The following RBPJ variants were observed in gnomAD, a reference collection of about 807,000 sequenced individuals.
RBPJ encodes the protein recombination signal binding protein for immunoglobulin kappa J region, also known as recombining binding protein suppressor of hairless.
RBPJ carries 9 observed loss-of-function variants against 67.8 expected under a neutral mutation model. That is an observed-to-expected ratio of 0.13 (90% CI 0.08 to 0.23). The LOEUF is 0.23. Ranked by LOEUF, RBPJ falls within the 10% of genes least tolerant of loss-of-function variation. The probability of loss-of-function intolerance (pLI) is 1.00; values close to 1 mark genes in which losing one functional copy is unlikely to be tolerated. For missense variants in RBPJ, 305 were observed against 595.6 expected, an observed-to-expected ratio of 0.51 and a Z score of 5.08; for synonymous variants, 198 against 203.3, an observed-to-expected ratio of 0.97 and a Z score of 0.22.
At chr4:26,144,659 C>T in the RBPJ span, among the ~76,000 whole-genome samples, 1 of 152,184 alleles carries the variant, frequency 6.6e-6, no homozygotes, top group Admixed American at 6.5e-5. Flanking sequence ...AGAGTAAGTT[C>T]ATTCCTAGGC....
chr4:26,226,952 C>T (rs940756505), intron 1 of RBPJ, among the ~76,000 whole-genome samples: 16 of 152,080 alleles, frequency 1.1e-4, no homozygotes, highest in African/African-American at 2.4e-4. Context: ...GACACAAGGC[C>T]GGGAGAAGTG....
chr4:26,408,404 T>TC (rs1258404418), intron 3 of RBPJ, among the ~76,000 whole-genome samples: 13 of 152,144 alleles, frequency 8.5e-5, no homozygotes, highest in East Asian at 3.9e-4. Context: ...TTTTTTTTTT[T>TC]CCCACGAAGT....
chr4:26,205,650 C>T (rs1039168044), intron 1 of RBPJ, among the ~76,000 whole-genome samples: 6 of 152,022 alleles, frequency 3.9e-5, no homozygotes, highest in East Asian at 1.9e-4. Flanking sequence ...TGGAGTGCAG[C>T]GGTACAGTCT....
chr4:26,225,513 A>G (rs144410315), intron 1 of RBPJ, among the ~76,000 whole-genome samples: 3 of 152,298 alleles, frequency 2.0e-5, no homozygotes, highest in Non-Finnish European at 4.4e-5. Flanking sequence ...TCTGTATGAT[A>G]CAGTAATGGT....
At chr4:26,316,709 A>ATC (rs1722659047), upstream of RBPJ, among the ~76,000 whole-genome samples, 1 of 144,316 alleles carries the variant, frequency 6.9e-6, no homozygotes, top group African/African-American at 2.6e-5. Flanking sequence ...ATATATATAT[A>ATC]TACACACACA....
intron 1 of RBPJ, among the ~76,000 whole-genome samples, chr4:26,241,512 T>C (rs1034202325): frequency 3.9e-5 from 6 of 152,136 alleles, no homozygotes; most frequent in African/African-American, 1.4e-4. Context: ...TTTTTTGTTT[T>C]TCGTTTGTTT....
In RBPJ at chr4:26,430,499, T is replaced by C. The variant is rs1344922635; in HGVS notation, c.1125T>C (p.Asp375=). The C allele has an allele frequency of 6.2e-7, 1 of 1,606,938 alleles. No individual in the cohort carries two copies. Among genetic ancestry groups the C allele is most frequent in the Admixed American group, 1.7e-5 (1 of 58,044 alleles). ...FTPNLRVWFG[D]VEAETMYRCG... ...CAAATTTACGAGTGTGGTTTGGGGA[T>C]GTAGAAGCTGAAACTATGTACAGGT... The change falls in exon 10 of 11, where the codon GAT becomes GAC. Residue 375 remains aspartate (D), a synonymous_variant. Transcript: ENST00000355476. This position sits in a 1 kb window ranked among gnomAD's most constrained non-coding sequence, Gnocchi z 4.1.
intron 1 of RBPJ, among the ~76,000 whole-genome samples, chr4:26,383,013 TGTCTTATTATATACA>T (rs1428325957): frequency 2.0e-5 from 3 of 152,202 alleles, no homozygotes; most frequent in African/African-American, 7.2e-5. Context: ...TTAATAGAAA[TGTCTTATTATATACA>T]GAAGAAGCAA....
At chr4:26,160,329 T>C (rs1193299066), upstream of RBPJ, among the ~76,000 whole-genome samples, 2 of 152,216 alleles carry the variant, frequency 1.3e-5, no homozygotes, top group Admixed American at 6.5e-5. Context: ...ATCTAGGAGA[T>C]GCAGTCTCCA....
At chr4:26,141,469 A>G in the RBPJ span, among the ~76,000 whole-genome samples, 1 of 152,232 alleles carries the variant, frequency 6.6e-6, no homozygotes, top group Non-Finnish European at 1.5e-5. Flanking sequence ...ACGCCCAGGA[A>G]CACTTCCTAC....
chr4:26,305,777 T>C lies in RBPJ; in HGVS notation c.-166-56669T>C, dbSNP rs932033137. Among the ~76,000 whole-genome samples the C allele has an allele frequency of 4.7e-5, 6 of 128,778 alleles. No individual in the cohort carries two copies. In the South Asian group the frequency reaches 1.4e-3, roughly 31 times the overall value. 84.5% of individuals were successfully genotyped at this position (128,778 alleles called of 152,430 possible). A position where few individuals can be genotyped will look rare whatever the true frequency, so the allele number is the denominator to read the frequency against. ...GTTCTTAGAATTTTCTTTTCTTTTT[T>C]TTTTTTTTTTTTTTTTTCTGAGACT... On this transcript the variant is annotated intron_variant, in intron 1 of 4. Coordinates refer to the RBPJ transcript ENST00000512351.
In RBPJ at chr4:26,405,042, G is replaced by C. The variant is rs139894879; in HGVS notation, c.60-1133G>C. 6.0e-3 allele frequency among the ~76,000 whole-genome samples: 909 copies of C among 152,196 alleles called. 12 individuals are homozygous for C. Among genetic ancestry groups the C allele is most frequent in the African/African-American group, 0.021 (869 of 41,534 alleles). On this transcript the variant is annotated intron_variant, in intron 2 of 10. Coordinates refer to ENST00000355476, the MANE Select transcript of RBPJ (RefSeq NM_015874.6). ...TTAGTTCTCAGTCTATTTATATCCT[G>C]GTATTACTGCCCTGCCTTGGAGCTA...
rs113249478 is a variant in RBPJ, at chr4:26,349,209, A to G, written c.20+28161A>G. Among the ~76,000 whole-genome samples the G allele has an allele frequency of 4.4e-3, 667 of 152,144 alleles. 5 individuals are homozygous for G. Among genetic ancestry groups the G allele is most frequent in the African/African-American group, 0.015 (643 of 41,514 alleles). ...CACCCTCCTGAGTAGCTGGCACTAC[A>G]GGTATGAGCCACCATGCCTGGATAA... On this transcript the variant is annotated intron_variant, in intron 1 of 10. Transcript: ENST00000355476.
chr4:26,355,785 C>G (rs1727314117), intron 1 of RBPJ, among the ~76,000 whole-genome samples: 1 of 152,208 alleles, frequency 6.6e-6, no homozygotes, highest in Admixed American at 6.5e-5. Flanking sequence ...TGCAGGTACA[C>G]TCACACAAAC....
At chr4:26,338,571 C>T (rs1458574115) in intron 1 of RBPJ, among the ~76,000 whole-genome samples, 1 of 141,826 alleles carries the variant, frequency 7.1e-6, no homozygotes, top group Non-Finnish European at 1.5e-5. Context: ...ATAATGTAGG[C>T]TCTAACTTTT....
chr4:26,294,152 C>A (rs1018979613), intron 1 of RBPJ, among the ~76,000 whole-genome samples: 1 of 151,458 alleles, frequency 6.6e-6, no homozygotes, highest in Non-Finnish European at 1.5e-5. Flanking sequence ...GATTGGAGTG[C>A]AGTGGCACCA....
At chr4:26,114,187 G>A in the RBPJ span, among the ~76,000 whole-genome samples, 2 of 152,126 alleles carry the variant, frequency 1.3e-5, no homozygotes, top group Non-Finnish European at 2.9e-5. Context: ...GGCCTGGCGT[G>A]TTGGCTCATG....
intron 1 of RBPJ, among the ~76,000 whole-genome samples, chr4:26,280,592 T>C (rs193094188): frequency 2.0e-5 from 3 of 152,290 alleles, no homozygotes; most frequent in Admixed American, 2.0e-4. Context: ...AAATTTATTA[T>C]TAAAAGCAAA....
chr4:26,430,901 G>A lies in RBPJ; in HGVS notation c.1358G>A (p.Ser453Asn). 1 of 1,613,974 alleles carries A rather than the reference G, an allele frequency of 6.2e-7. No homozygotes were observed. The highest frequency in any genetic ancestry group is 1.7e-4 in the Middle Eastern group (1 of 6,060). Residue 453 changes from serine to asparagine, a missense_variant, in exon 11 of 11, where the codon AGC becomes AAC. Coordinates refer to ENST00000355476, the MANE Select transcript of RBPJ (RefSeq NM_015874.6). This position sits in a 1 kb window ranked among gnomAD's most constrained non-coding sequence, Gnocchi z 4.1. ...GGAGCAATCCTTCGAGCCAATTCAA[G>A]CCAGGTGCCCCCTAACGAATCAAAC... Reference protein sequence around the residue: ...AAGAILRANSSQVPPNESNTN... With the variant: ...AAGAILRANSNQVPPNESNTN...
Sources: gnomAD v4.1 joint callset for allele counts (sites outside exome capture counted in the v4.1 genomes callset) on GRCh38, gnomAD v4.1.1 for gene constraint, Gnocchi (gnomAD v3.1) non-coding constraint, MANE v1.5 for transcripts, NCBI Gene and HGNC (gene_info 2026-07-23, HGNC 2026-07-21) for gene names.